Variants in AGAP6 observed in about 807,000 individuals in gnomAD.
AGAP6 encodes ArfGAP with GTPase domain, ankyrin repeat and PH domain 6.
Under a neutral mutation model 63.9 loss-of-function variants are expected in AGAP6, and 29 were observed. The ratio of observed to expected loss-of-function variants is 0.45; its 90% CI spans 0.34 to 0.62. The LOEUF is 0.62. Ranked by LOEUF, AGAP6 falls within the 20% of genes least tolerant of loss-of-function variation. The pLI, the probability that AGAP6 is intolerant of heterozygous loss-of-function variation, is 0.01. For missense variants in AGAP6, 493 were observed against 884.9 expected, an observed-to-expected ratio of 0.56 and a Z score of 5.62; for synonymous variants, 199 against 332.9, an observed-to-expected ratio of 0.60 and a Z score of 4.38.
rs782381638 is a variant in AGAP6, at chr10:49,994,440, A to G, written c.396+11A>G. ...AACTGTACAAACCATGTAAGTAAAC[A>G]CTCAAATACTTAAGAAATTGATAGT... On this transcript the variant is annotated intron_variant, in intron 4 of 7. Coordinates refer to ENST00000412531, the MANE Select transcript of AGAP6 (RefSeq NM_001077665.3). The G allele has an allele frequency of 5.9e-6, 9 of 1,526,658 alleles. No individual in the cohort carries two copies. The East Asian group carries it at 1.9e-4, about 31-fold the overall frequency. The allele number at this position is 1,526,658 out of a possible 1,614,324, so 94.6% of individuals were successfully genotyped here.
Position 50,002,019 on chromosome 10 carries a change from A to G in AGAP6, c.420A>G (p.Gln140=), listed in dbSNP as rs782398519. The change falls in exon 5 of 8, where the codon CAA becomes CAG. Residue 140 remains glutamine (Q), a synonymous_variant. Coordinates refer to ENST00000412531, the MANE Select transcript of AGAP6 (RefSeq NM_001077665.3). ...AGGTATCTGCTGTGCGTTTCAGTCA[A>G]CAATACAGCTTGTGTTCGACAATAT... ...TNHVSAVRFS[Q]QYSLCSTIFL... 41 of 1,612,774 alleles carry G rather than the reference A, an allele frequency of 2.5e-5. No individual in the cohort carries two copies. Among genetic ancestry groups the G allele is most frequent in the African/African-American group, 9.3e-5 (7 of 74,910 alleles).
intron 7 of AGAP6, among the ~76,000 whole-genome samples, chr10:50,008,298 C>CT (rs1181143677): frequency 0.21 from 24,891 of 118,110 alleles, 2,861 homozygotes; most frequent in Non-Finnish European, 0.27. Context: ...GAAGATGTAT[C>CT]TTTTTTTTTT....
chr10:50,001,479 G>A (rs1247117263), intron 4 of AGAP6, among the ~76,000 whole-genome samples: 3 of 107,378 alleles, frequency 2.8e-5, no homozygotes, highest in African/African-American at 9.5e-5. Flanking sequence ...GAGTGCAGTG[G>A]CGCGAACTCG....
chr10:50,005,572 T>C (rs1415302202), intron 6 of AGAP6, among the ~76,000 whole-genome samples: 2 of 151,810 alleles, frequency 1.3e-5, no homozygotes, highest in African/African-American at 4.8e-5. Flanking sequence ...GATGGTGCCA[T>C]TGCACTGCAG....
At position 49,999,620 on chromosome 10, in the gene AGAP6, TCA is replaced by T. The variant is rs1238758700; in HGVS notation, c.397-2371_397-2370del. On this transcript the variant is annotated intron_variant, in intron 4 of 7. Coordinates refer to ENST00000412531, the MANE Select transcript of AGAP6 (RefSeq NM_001077665.3). ...CTACTGGAAGGCCTAGCCAGAGCAATCACACAAGAGAAAACAATAAAAGGCAT... is the reference window on the plus strand; with the variant it reads ...CTACTGGAAGGCCTAGCCAGAGCAATCACAAGAGAAAACAATAAAAGGCAT... Among the ~76,000 whole-genome samples the T allele has an allele frequency of 2.2e-4, 26 of 120,528 alleles. 1 individual carries two copies. Among genetic ancestry groups the T allele is most frequent in the African/African-American group, 8.7e-4 (26 of 29,810 alleles). The allele number at this position is 120,528 out of a possible 152,430, so 79.1% of individuals were successfully genotyped here. A position where few individuals can be genotyped will look rare whatever the true frequency, so the allele number is the denominator to read the frequency against.
intron 4 of AGAP6, among the ~76,000 whole-genome samples, chr10:49,998,932 G>A (rs1213663881): frequency 7.1e-6 from 1 of 140,738 alleles, no homozygotes; most frequent in East Asian, 2.3e-4. Flanking sequence ...AAAATAATCC[G>A]GCCAGGCACG....
intron 4 of AGAP6, among the ~76,000 whole-genome samples, chr10:49,997,091 TTAA>T (rs1464030198): frequency 1.5e-4 from 22 of 148,004 alleles, no homozygotes; most frequent in Admixed American, 6.1e-4. Context: ...TTGAGTATAA[TTAA>T]TGATATTAAG....
intron 6 of AGAP6, 95 bp downstream of exon 6, chr10:50,004,815 G>A (rs1478415328): frequency 9.8e-6 from 6 of 609,566 alleles, no homozygotes; most frequent in South Asian, 5.9e-5. Flanking sequence ...ATCATAAGCT[G>A]TATTGTGCCT....
intron 6 of AGAP6, among the ~76,000 whole-genome samples, chr10:50,007,171 T>A (rs1841939404): frequency 6.6e-6 from 1 of 152,152 alleles, no homozygotes; most frequent in African/African-American, 2.4e-5. Context: ...GCAAGCGGAT[T>A]ACCTGAGGTT....
At chr10:50,007,702 CT>C (rs1841962701) in intron 6 of AGAP6, among the ~76,000 whole-genome samples, 1 of 150,766 alleles carries the variant, frequency 6.6e-6, no homozygotes, top group Non-Finnish European at 1.5e-5. Context: ...ACTACTACTG[CT>C]TTGTAGAACA....
rs372546015 is a variant in AGAP6, at chr10:49,993,402, G to A, written c.362-993G>A. ...ATCAAAGGCAGAGGCAGTGTAGGAAGCAAAGCATGGCCCAAGTCCCTCTTG... is the reference window on the plus strand; with the variant it reads ...ATCAAAGGCAGAGGCAGTGTAGGAAACAAAGCATGGCCCAAGTCCCTCTTG... On this transcript the variant is annotated intron_variant, in intron 3 of 7. Coordinates refer to ENST00000412531, the MANE Select transcript of AGAP6 (RefSeq NM_001077665.3). 9.9e-5 allele frequency among the ~76,000 whole-genome samples: 15 copies of A among 152,270 alleles called. No homozygotes were observed. The East Asian group carries it at 2.5e-3, about 25-fold the overall frequency.
intron 4 of AGAP6, among the ~76,000 whole-genome samples, chr10:49,997,509 A>G (rs1317029365): frequency 1.3e-5 from 2 of 151,906 alleles, no homozygotes; most frequent in Non-Finnish European, 2.9e-5. Flanking sequence ...GAAAAAGGAA[A>G]AAAGTTACTA....
At chr10:50,003,400 G>A (rs1391920024) in intron 5 of AGAP6, among the ~76,000 whole-genome samples, 13 of 152,010 alleles carry the variant, frequency 8.6e-5, no homozygotes, top group Admixed American at 7.9e-4. Flanking sequence ...CAAAATACAA[G>A]TCTGCAAACA....
At chr10:49,997,705 G>A (rs1554862243) in intron 4 of AGAP6, among the ~76,000 whole-genome samples, 2 of 151,732 alleles carry the variant, frequency 1.3e-5, no homozygotes, top group Non-Finnish European at 2.9e-5. Flanking sequence ...CTTTAGTGAT[G>A]ATTTGTGAGA....
intron 7 of AGAP6, 81 bp downstream of exon 7, chr10:50,008,157 T>A (rs1468927561): frequency 1.2e-6 from 2 of 1,610,548 alleles, no homozygotes. Context: ...CATCTTTTTT[T>A]AAATCTTCCC....
At chr10:49,992,006 CTT>C (rs1272751357) in intron 3 of AGAP6, among the ~76,000 whole-genome samples, 22 of 152,106 alleles carry the variant, frequency 1.4e-4, no homozygotes, top group Admixed American at 1.4e-3. Context: ...ATGGATTTCT[CTT>C]TATAATTCTT....
chr10:50,004,908 A>G (rs1841856029), intron 6 of AGAP6, among the ~76,000 whole-genome samples, 188 bp downstream of exon 6: 1 of 152,222 alleles, frequency 6.6e-6, no homozygotes, highest in African/African-American at 2.4e-5. Flanking sequence ...AATCTCAAAG[A>G]GTATGTGTTT....
In AGAP6 at chr10:50,008,800, C is replaced by T; in HGVS notation, c.675C>T (p.Ser225=). 6.2e-7 allele frequency: 1 copy of T among 1,614,116 alleles called. No individual in the cohort carries two copies. The highest frequency in any genetic ancestry group is 8.5e-7 in the Non-Finnish European group (1 of 1,180,018). Residue 225 remains serine (S), a synonymous_variant, in exon 8 of 8, where the codon AGC becomes AGT. Coordinates refer to ENST00000412531, the MANE Select transcript of AGAP6 (RefSeq NM_001077665.3). Reference sequence around the variant, plus strand: ...CCATTCCATCGACTCCCAGCACCAGCCAGGAGGACCCTCAGTTCAGTGTTC... The same window carrying T: ...CCATTCCATCGACTCCCAGCACCAGTCAGGAGGACCCTCAGTTCAGTGTTC... ...SSSIPSTPST[S]QEDPQFSVPP... is the part of the protein sequence containing the mutation.
At position 50,005,995 on chromosome 10, in the gene AGAP6, G is replaced by C. The variant is rs567016207; in HGVS notation, c.533+1275G>C. 1.8e-3 allele frequency among the ~76,000 whole-genome samples: 271 copies of C among 150,964 alleles called. 1 individual carries two copies. The highest frequency in any genetic ancestry group is 6.4e-3 in the African/African-American group (264 of 41,164). ...AGTTGGTAGAAGGTGTATTTTTAAAGTTTTCAGACAGTTGTGGGTATTTGT... is the reference window on the plus strand; with the variant it reads ...AGTTGGTAGAAGGTGTATTTTTAAACTTTTCAGACAGTTGTGGGTATTTGT... On this transcript the variant is annotated intron_variant, in intron 6 of 7. Transcript: ENST00000412531.
Sources: gnomAD v4.1 joint callset for allele counts (sites outside exome capture counted in the v4.1 genomes callset) on GRCh38, gnomAD v4.1.1 for gene constraint, MANE v1.5 for transcripts, NCBI Gene and HGNC (gene_info 2026-07-23, HGNC 2026-07-21) for gene names.